PCNX2: variants seen among roughly 807,000 people sequenced by gnomAD.
The protein encoded by PCNX2 is pecanex-like protein 2.
PCNX2 carries 168 observed loss-of-function variants against 223.8 expected under a neutral mutation model. The observed-to-expected ratio is 0.75, with a 90% CI of 0.66 to 0.85. The LOEUF is 0.85. Among genes scored for constraint, PCNX2 ranks in the 40% least tolerant of loss-of-function variants. PCNX2 has a pLI of 0.00. For missense variants in PCNX2, 2,507 were observed against 2,675.5 expected (o/e 0.94, Z 1.39); for synonymous variants, 1,006 against 1,052.6 (o/e 0.96, Z 0.86).
intron 9 of PCNX2, among the ~76,000 whole-genome samples, chr1:233,232,628 T>G (rs561047665): frequency 8.1e-4 from 124 of 152,344 alleles, no homozygotes; most frequent in Non-Finnish European, 1.4e-3. Flanking sequence ...ATATTATAAT[T>G]GATGTCTCCT....
At position 233,135,196 on chromosome 1, in the gene PCNX2, G is replaced by A. The variant is rs906766146; in HGVS notation, c.3660-6C>T. 1 of 1,611,112 alleles carries A rather than the reference G, an allele frequency of 6.2e-7. No homozygotes were observed. Among genetic ancestry groups the A allele is most frequent in the Non-Finnish European group, 8.5e-7 (1 of 1,178,744 alleles). On this transcript the variant is annotated splice_region_variant and splice_polypyrimidine_tract_variant and intron_variant, in intron 20 of 33. Coordinates refer to ENST00000258229, the MANE Select transcript of PCNX2 (RefSeq NM_014801.4). ...TCATCAGAAAAATGTCCCAGCTGTT[G>A]GAAACAAAAGAAAAGATGCAATCAA... is the stretch of plus-strand genomic sequence containing the variant.
chr1:233,041,841 G>A (rs1246778010), intron 25 of PCNX2, among the ~76,000 whole-genome samples: 1 of 152,220 alleles, frequency 6.6e-6, no homozygotes, highest in Non-Finnish European at 1.5e-5. Flanking sequence ...TAAATTCAGA[G>A]TCAGGAATGA....
chr1:233,127,856 T>C (rs1228727309), intron 21 of PCNX2, among the ~76,000 whole-genome samples: 2 of 152,248 alleles, frequency 1.3e-5, no homozygotes, highest in Non-Finnish European at 2.9e-5. Flanking sequence ...GGATAATACC[T>C]AGCCCAGTGC....
chr1:232,992,088 T>G, intron 32 of PCNX2, among the ~76,000 whole-genome samples: 1 of 151,774 alleles, frequency 6.6e-6, no homozygotes, highest in East Asian at 1.9e-4. Flanking sequence ...AAGAGAGAGG[T>G]TTTTCCTTCT....
At chr1:233,177,921 C>T in intron 16 of PCNX2, 23 bp from the exon 17 acceptor site, 3 of 1,582,474 alleles carry the variant, frequency 1.9e-6, no homozygotes, top group Non-Finnish European at 2.6e-6. Flanking sequence ...AAACACAATA[C>T]TTCATCAAAG....
intron 1 of PCNX2, among the ~76,000 whole-genome samples, chr1:233,289,638 A>G (rs1661646293): frequency 6.6e-6 from 1 of 152,254 alleles, no homozygotes; most frequent in Non-Finnish European, 1.5e-5. Context: ...TCTCAATGCA[A>G]GAATAAATAA....
At chr1:233,029,707 T>C (rs1671200290) in intron 25 of PCNX2, among the ~76,000 whole-genome samples, 1 of 152,234 alleles carries the variant, frequency 6.6e-6, no homozygotes, top group Non-Finnish European at 1.5e-5. Context: ...CTTTATGCAC[T>C]TAAAAATATT....
rs941819212 is a variant in PCNX2 at position 233,295,631 on chromosome 1, T to C, written c.-153A>G. ...CCCCGCCGCCTCCTTCCACCCCACG[T>C]TTGAAGCTGGAGCTGCTCTTCCGCC... On this transcript the variant is annotated 5_prime_UTR_variant, in exon 1 of 34. Coordinates refer to ENST00000258229, the MANE Select transcript of PCNX2 (RefSeq NM_014801.4). This position sits in a 1 kb window ranked among gnomAD's most constrained non-coding sequence, Gnocchi z 4.1. 54 of 823,186 alleles carry C rather than the reference T, an allele frequency of 6.6e-5. No homozygotes were observed. The highest frequency in any genetic ancestry group is 8.0e-5 in the Non-Finnish European group (49 of 609,690). The allele number at this position is 823,186 out of a possible 1,614,324, so 51.0% of individuals were successfully genotyped here. A position where few individuals can be genotyped will look rare whatever the true frequency, so the allele number is the denominator to read the frequency against.
intron 23 of PCNX2, among the ~76,000 whole-genome samples, chr1:233,075,507 T>C (rs1673049738): frequency 6.6e-6 from 1 of 152,150 alleles, no homozygotes; most frequent in African/African-American, 2.4e-5. Context: ...TTGTATTTGT[T>C]TGTTTGTTTG....
intron 8 of PCNX2, chr1:233,241,501 G>T: frequency 1.6e-6 from 1 of 615,264 alleles, no homozygotes; most frequent in Non-Finnish European, 2.0e-6. Flanking sequence ...AAAAGTGAAA[G>T]CCAAAAAGAA....
At chr1:233,187,840 T>C (rs190415295) in intron 15 of PCNX2, among the ~76,000 whole-genome samples, 8 of 152,300 alleles carry the variant, frequency 5.3e-5, no homozygotes, top group Admixed American at 3.3e-4. Context: ...AAAAGACTTA[T>C]TATTCCTGGT....
intron 1 of PCNX2, chr1:233,289,397 G>T: frequency 7.1e-7 from 1 of 1,399,360 alleles, no homozygotes; most frequent in Non-Finnish European, 1.0e-6. Context: ...ACTCGAACTC[G>T]TCCGGCTTCT....
At chr1:233,169,714 T>C (rs571805586) in intron 17 of PCNX2, among the ~76,000 whole-genome samples, 17 of 152,118 alleles carry the variant, frequency 1.1e-4, no homozygotes, top group African/African-American at 4.1e-4. Flanking sequence ...GTTTAATAAT[T>C]ATAAAGTGAA....
At chr1:233,286,136 T>C (rs925990430) in intron 1 of PCNX2, among the ~76,000 whole-genome samples, 1 of 152,142 alleles carries the variant, frequency 6.6e-6, no homozygotes, top group Admixed American at 6.5e-5. Context: ...TAATAGAATT[T>C]AGAAAAAAAG....
intron 9 of PCNX2, among the ~76,000 whole-genome samples, chr1:233,234,491 G>A (rs1281420220): frequency 6.6e-6 from 1 of 152,178 alleles, no homozygotes; most frequent in African/African-American, 2.4e-5. Flanking sequence ...CAGATGAGTT[G>A]AGTTTTTATG....
intron 23 of PCNX2, among the ~76,000 whole-genome samples, chr1:233,085,778 G>T (rs540325407): frequency 6.6e-6 from 1 of 152,250 alleles, no homozygotes; most frequent in East Asian, 1.9e-4. Flanking sequence ...AGATTACACA[G>T]AGAGGTTCTG....
intron 2 of PCNX2, 96 bp downstream of exon 2, chr1:233,262,862 C>T (rs1660130258): frequency 1.8e-6 from 2 of 1,123,252 alleles, no homozygotes; most frequent in Non-Finnish European, 1.3e-6. Context: ...TTCTGTCTGC[C>T]TATACTAGTA....
chr1:233,242,770 CA>C (rs1295159161), intron 8 of PCNX2, among the ~76,000 whole-genome samples: 2 of 152,222 alleles, frequency 1.3e-5, no homozygotes, highest in African/African-American at 4.8e-5. Flanking sequence ...ACTTCCTAGG[CA>C]GATAGCCTAC....
chr1:233,028,878 G>A (rs749267226), intron 25 of PCNX2, among the ~76,000 whole-genome samples: 18 of 135,282 alleles, frequency 1.3e-4, no homozygotes, highest in African/African-American at 3.1e-4. Flanking sequence ...TCACTCTGTC[G>A]CCCATGCTGG....
Sources: gnomAD v4.1 joint callset for allele counts (sites outside exome capture counted in the v4.1 genomes callset) on GRCh38, gnomAD v4.1.1 for gene constraint, Gnocchi (gnomAD v3.1) non-coding constraint, MANE v1.5 for transcripts, NCBI Gene and HGNC (gene_info 2026-07-23, HGNC 2026-07-21) for gene names.